Variants in CACUL1 observed in about 807,000 individuals in gnomAD.
CACUL1 encodes CDK2-associated and cullin domain-containing protein 1.
A neutral mutation model predicts 45.2 loss-of-function variants in CACUL1; 13 were observed. The ratio of observed to expected loss-of-function variants is 0.29; its 90% CI spans 0.19 to 0.46. The LOEUF is 0.46. Ranked by LOEUF, CACUL1 falls within the 20% of genes least tolerant of loss-of-function variation. CACUL1 has a pLI of 1.00. For synonymous variants in CACUL1, 197 were observed against 174.2 expected (o/e 1.13, Z -1.03); for missense variants, 421 against 471.4 (o/e 0.89, Z 0.99).
Position 118,679,303 on chromosome 10 carries a change from A to G in CACUL1, c.*6825T>C, listed in dbSNP as rs533768468. The G allele has an allele frequency of 6.6e-6, 1 of 152,256 alleles. No homozygotes were observed. Among genetic ancestry groups the G allele is most frequent in the African/African-American group, 2.4e-5 (1 of 41,554 alleles). 9.4% of individuals were successfully genotyped at this position (152,256 alleles called of 1,614,324 possible). On this transcript the variant is annotated 3_prime_UTR_variant, in exon 9 of 9. Coordinates refer to ENST00000369151, the MANE Select transcript of CACUL1 (RefSeq NM_153810.5). ...CTGTAACCTCCACTTCCTGGGTTCA[A>G]GTTCTTGTGCCTGAGCCACCCAAGC...
chr10:118,706,610 A>C (rs564040167), intron 4 of CACUL1, among the ~76,000 whole-genome samples: 32 of 152,316 alleles, frequency 2.1e-4, no homozygotes, highest in African/African-American at 7.5e-4. Context: ...TTTGGCACTT[A>C]AACCAAAAGA....
chr10:118,678,571 T>C lies in CACUL1; in HGVS notation c.*7557A>G, dbSNP rs2119522543. ...GGAGAAAAAGTTGAGATTTAGATAA[T>C]ATTGAGTGTTATCCCTTATATTCTC... On this transcript the variant is annotated 3_prime_UTR_variant, in exon 9 of 9. Coordinates refer to ENST00000369151, the MANE Select transcript of CACUL1 (RefSeq NM_153810.5). 6.6e-6 allele frequency: 1 copy of C among 152,366 alleles called. No individual in the cohort carries two copies. The highest frequency in any genetic ancestry group is 1.9e-4 in the East Asian group (1 of 5,190). The allele number at this position is 152,366 out of a possible 1,614,324, so 9.4% of individuals were successfully genotyped here.
chr10:118,754,455 G>A lies in CACUL1; in HGVS notation c.308C>T (p.Ala103Val). 1 of 1,596,288 alleles carries A rather than the reference G, an allele frequency of 6.3e-7. No homozygotes were observed. The highest frequency in any genetic ancestry group is 1.1e-5 in the South Asian group (1 of 89,080). Residue 103 changes from alanine (A) to valine (V), a missense_variant, in exon 1 of 9, where the codon GCG becomes GTG. Ala to Val is a moderately conservative substitution (Grantham distance 64, BLOSUM62 0). Around this residue, in one of 2 missense-constraint regions of CACUL1, gnomAD observed 213 missense variants for 173.1 expected, o/e 1.23. Transcript: ENST00000369151. ...GGAGCTGGCGGTGGGGGCGGGGGCC[G>A]CCTTGGCCACGGCGGCGGCCGCGTC... ...SCDAAAAVAK[A>V]APAPTASSTI...
At position 118,754,796 on chromosome 10, in the gene CACUL1, G is replaced by A; in HGVS notation, c.-34C>T. The A allele has an allele frequency of 6.6e-7, 1 of 1,523,368 alleles. No individual in the cohort carries two copies. Among genetic ancestry groups the A allele is most frequent in the Non-Finnish European group, 8.8e-7 (1 of 1,140,334 alleles). 94.4% of individuals were successfully genotyped at this position (1,523,368 alleles called of 1,614,324 possible). The stretch of plus-strand genomic sequence containing the variant: ...CCCCCGGCACCCGCCCGCCTCACAG[G>A]CACCTGCCGCCTGTCTCAACCCCGG... On this transcript the variant is annotated 5_prime_UTR_variant, in exon 1 of 9. Coordinates refer to ENST00000369151, the MANE Select transcript of CACUL1 (RefSeq NM_153810.5).
chr10:118,708,157 A>AT (rs917994745), intron 3 of CACUL1, among the ~76,000 whole-genome samples: 4 of 151,684 alleles, frequency 2.6e-5, no homozygotes, highest in African/African-American at 9.7e-5. Flanking sequence ...CAAAAAAAAA[A>AT]AAAAAAAAAA....
chr10:118,721,171 T>C (rs34909357), intron 3 of CACUL1, among the ~76,000 whole-genome samples: 1 of 152,100 alleles, frequency 6.6e-6, no homozygotes, highest in Non-Finnish European at 1.5e-5. Flanking sequence ...AAATTTCAAA[T>C]GACCGTACAC....
At chr10:118,728,510 C>T (rs1350245740) in intron 3 of CACUL1, among the ~76,000 whole-genome samples, 3 of 151,936 alleles carry the variant, frequency 2.0e-5, no homozygotes, top group African/African-American at 4.8e-5. Context: ...AGGATGGTCT[C>T]GATCTCCTGA....
At chr10:118,723,438 A>G (rs753216793) in intron 3 of CACUL1, among the ~76,000 whole-genome samples, 1 of 152,138 alleles carries the variant, frequency 6.6e-6, no homozygotes, top group Non-Finnish European at 1.5e-5. Context: ...AGACATTATC[A>G]TTATTATTGA....
Position 118,730,522 on chromosome 10 carries a change from T to G in CACUL1, c.368-112A>C, listed in dbSNP as rs2274313. The G allele has an allele frequency of 1.8e-5, 18 of 1,012,048 alleles. No homozygotes were observed. In the East Asian group the frequency reaches 4.2e-4, roughly 24 times the overall value. The allele number at this position is 1,012,048 out of a possible 1,614,324, so 62.7% of individuals were successfully genotyped here. A position where few individuals can be genotyped will look rare whatever the true frequency, so the allele number is the denominator to read the frequency against. ...CTCACTTACTCTTCTGATTTTACAC[T>G]GACACTCTATCACCTAACTATCCTA... On this transcript the variant is annotated intron_variant, in intron 1 of 8. Coordinates refer to ENST00000369151, the MANE Select transcript of CACUL1 (RefSeq NM_153810.5).
At chr10:118,703,033 C>T (rs958934487) in intron 4 of CACUL1, among the ~76,000 whole-genome samples, 1 of 152,134 alleles carries the variant, frequency 6.6e-6, no homozygotes, top group Non-Finnish European at 1.5e-5. Flanking sequence ...AAACACCTGG[C>T]CTCCCACTTC....
chr10:118,703,259 T>G (rs1275076510), intron 4 of CACUL1, among the ~76,000 whole-genome samples: 1 of 152,188 alleles, frequency 6.6e-6, no homozygotes. Context: ...GGAAAACTTC[T>G]GTATATTCTT....
chr10:118,748,186 C>T (rs920547256), intron 1 of CACUL1, among the ~76,000 whole-genome samples: 2 of 152,142 alleles, frequency 1.3e-5, no homozygotes, highest in Non-Finnish European at 2.9e-5. Flanking sequence ...GACAGTCCTC[C>T]GTGGGCCTCA....
At chr10:118,704,115 G>A (rs771912790) in intron 4 of CACUL1, among the ~76,000 whole-genome samples, 9 of 151,582 alleles carry the variant, frequency 5.9e-5, no homozygotes, top group Non-Finnish European at 1.0e-4. Context: ...CTAGGTGGTC[G>A]TGCTTAGGCT....
chr10:118,753,879 G>A (rs987075961), intron 1 of CACUL1, among the ~76,000 whole-genome samples: 3 of 152,324 alleles, frequency 2.0e-5, no homozygotes, highest in South Asian at 2.1e-4. Flanking sequence ...AGTAGAGAAG[G>A]AACAAGGTGT....
intron 3 of CACUL1, among the ~76,000 whole-genome samples, chr10:118,724,052 A>T (rs1845627685): frequency 6.6e-6 from 1 of 152,198 alleles, no homozygotes; most frequent in African/African-American, 2.4e-5. Context: ...GGCATGAGCC[A>T]CCACACCTGG....
intron 1 of CACUL1, among the ~76,000 whole-genome samples, chr10:118,743,462 TATAC>T (rs1288644426): frequency 3.3e-5 from 5 of 152,076 alleles, no homozygotes; most frequent in African/African-American, 1.2e-4. Flanking sequence ...AAGATAAGAC[TATAC>T]ACACATTTAT....
intron 1 of CACUL1, among the ~76,000 whole-genome samples, chr10:118,752,888 T>G (rs1845910930): frequency 6.6e-6 from 1 of 152,270 alleles, no homozygotes; most frequent in African/African-American, 2.4e-5. Flanking sequence ...TAACGTTCTT[T>G]TTTTAATCTG....
At chr10:118,704,251 A>G (rs17663160) in intron 4 of CACUL1, among the ~76,000 whole-genome samples, 19,038 of 152,156 alleles carry the variant, frequency 0.13, 1,434 homozygotes, top group Admixed American at 0.26. Context: ...TAGGTATGGA[A>G]AAATCTACTC....
At chr10:118,746,873 G>A (rs1228248352) in intron 1 of CACUL1, among the ~76,000 whole-genome samples, 1 of 152,152 alleles carries the variant, frequency 6.6e-6, no homozygotes, top group Non-Finnish European at 1.5e-5. Context: ...AATACACAAA[G>A]AGATACTACG....
Sources: allele counts gnomAD v4.1 joint callset (sites outside exome capture counted in the v4.1 genomes callset), GRCh38; gene constraint gnomAD v4.1.1; regional missense constraint gnomAD v4.1.1; transcripts MANE v1.5; gene names NCBI Gene and HGNC (gene_info 2026-07-23, HGNC 2026-07-21).